Variants in GNB4 observed in about 807,000 individuals in gnomAD.
The protein encoded by GNB4 is G protein subunit beta 4, also known as guanine nucleotide-binding protein subunit beta-4.
A neutral mutation model predicts 45.2 loss-of-function variants in GNB4; 28 were observed. The ratio of observed to expected loss-of-function variants is 0.62; its 90% CI spans 0.46 to 0.85. The LOEUF (loss-of-function observed/expected upper bound fraction) is 0.85. Among genes scored for constraint, GNB4 ranks in the 40% least tolerant of loss-of-function variants. GNB4 has a pLI of 0.00. For missense variants in GNB4, 321 were observed against 425.4 expected, an observed-to-expected ratio of 0.75 and a Z score of 2.16; for synonymous variants, 132 against 143.7, an observed-to-expected ratio of 0.92 and a Z score of 0.58.
In GNB4 at chr3:179,400,337, T is replaced by C. The variant is rs1354490507; in HGVS notation, c.*876A>G. On this transcript the variant is annotated 3_prime_UTR_variant, in exon 10 of 10. Transcript: ENST00000232564. ...GATAGCACTGGGAAAGATGTTCAGA[T>C]GCAGGGACAATCCCAATGTTTACCA... The C allele has an allele frequency of 6.6e-6, 1 of 152,218 alleles. No homozygotes were observed. The highest frequency in any genetic ancestry group is 6.5e-5 in the Admixed American group (1 of 15,280). The allele number at this position is 152,218 out of a possible 1,614,324, so 9.4% of individuals were successfully genotyped here.
At chr3:179,476,738 A>C in the GNB4 span, among the ~76,000 whole-genome samples, 1 of 152,244 alleles carries the variant, frequency 6.6e-6, no homozygotes, top group Non-Finnish European at 1.5e-5. Flanking sequence ...CACCACGTAA[A>C]TACCACCAAA....
the GNB4 span, among the ~76,000 whole-genome samples, chr3:179,488,751 G>A: frequency 6.6e-6 from 1 of 151,776 alleles, no homozygotes; most frequent in African/African-American, 2.4e-5. Context: ...TTGGGAGGCT[G>A]AGGGCCAGAT....
At chr3:179,437,662 C>T (rs1715492770) in intron 1 of GNB4, 1 of 151,936 alleles carries the variant, frequency 6.6e-6, no homozygotes, top group African/African-American at 2.4e-5. Flanking sequence ...GGTTTTGCCA[C>T]TAAATTATTT....
At chr3:179,506,657 A>G in the GNB4 span, among the ~76,000 whole-genome samples, 1 of 152,326 alleles carries the variant, frequency 6.6e-6, no homozygotes, top group East Asian at 1.9e-4. Context: ...TTCAGAATTC[A>G]TTCACACTGA....
chr3:179,423,970 C>T (rs1226254780), intron 2 of GNB4, among the ~76,000 whole-genome samples: 1 of 151,732 alleles, frequency 6.6e-6, no homozygotes, highest in Non-Finnish European at 1.5e-5. Context: ...AGTATGGCTA[C>T]AGCACAAGTC....
At chr3:179,423,446 A>C (rs2108599986) in intron 2 of GNB4, among the ~76,000 whole-genome samples, 1 of 152,348 alleles carries the variant, frequency 6.6e-6, no homozygotes, top group South Asian at 2.1e-4. Context: ...AAAGTGGGGT[A>C]CTGGTACTCT....
chr3:179,406,635 CAG>C (rs201720236), intron 8 of GNB4, among the ~76,000 whole-genome samples: 4,855 of 152,148 alleles, frequency 0.032, 112 homozygotes, highest in Middle Eastern at 0.19. Context: ...ATTTTTGAGA[CAG>C]AGTCTTGCTC....
At chr3:179,510,720 T>C in the GNB4 span, among the ~76,000 whole-genome samples, 1 of 152,204 alleles carries the variant, frequency 6.6e-6, no homozygotes, top group African/African-American at 2.4e-5. Context: ...CTGCCTGGAT[T>C]CACTAGCTGA....
the GNB4 span, among the ~76,000 whole-genome samples, chr3:179,471,354 G>C: frequency 6.6e-5 from 10 of 152,164 alleles, no homozygotes; most frequent in East Asian, 9.6e-4. Flanking sequence ...CCAGAGCAGA[G>C]CAACTTTCAG....
At chr3:179,472,934 C>T in the GNB4 span, among the ~76,000 whole-genome samples, 23 of 152,136 alleles carry the variant, frequency 1.5e-4, no homozygotes, top group African/African-American at 4.3e-4. Flanking sequence ...GAGGCCAAGG[C>T]GGGCAGATCA....
the GNB4 span, among the ~76,000 whole-genome samples, chr3:179,477,433 A>G: frequency 1.3e-5 from 2 of 152,326 alleles, no homozygotes; most frequent in Admixed American, 1.3e-4. Context: ...CTCAGGTTGG[A>G]CAAAATTCCA....
At chr3:179,440,204 A>G (rs1368006784) in intron 1 of GNB4, among the ~76,000 whole-genome samples, 2 of 152,180 alleles carry the variant, frequency 1.3e-5, no homozygotes, top group African/African-American at 4.8e-5. Flanking sequence ...CAGAACTATG[A>G]TTTTTGGGGG....
the GNB4 span, among the ~76,000 whole-genome samples, chr3:179,467,607 A>C: frequency 1.1e-3 from 160 of 152,236 alleles, no homozygotes; most frequent in African/African-American, 3.8e-3. Flanking sequence ...TAGTAACTCT[A>C]ACCAAAGTGA....
At chr3:179,418,105 T>C (rs901377191) in intron 4 of GNB4, among the ~76,000 whole-genome samples, 1 of 152,216 alleles carries the variant, frequency 6.6e-6, no homozygotes, top group African/African-American at 2.4e-5. Flanking sequence ...CAAGTTACTA[T>C]ATTTTAAGTT....
At chr3:179,501,499 T>TG in the GNB4 span, among the ~76,000 whole-genome samples, 1 of 151,436 alleles carries the variant, frequency 6.6e-6, no homozygotes, top group East Asian at 1.9e-4. Context: ...GATTTTTTTT[T>TG]TTTTTGGTAG....
At chr3:179,431,535 G>C (rs959466225) in intron 1 of GNB4, among the ~76,000 whole-genome samples, 5 of 147,552 alleles carry the variant, frequency 3.4e-5, no homozygotes, top group African/African-American at 1.3e-4. Context: ...CTCCAGCCTG[G>C]GTGAAGAGTG....
rs1225088441 is a variant in GNB4, at chr3:179,406,878, G to A, written c.700-1472C>T. On this transcript the variant is annotated intron_variant, in intron 8 of 9. Coordinates refer to ENST00000232564, the MANE Select transcript of GNB4 (RefSeq NM_021629.4). ...GATCTGCCTGCCTCAGCCTCCCAAA[G>A]TACTGAGATTACGGGCATAAGCCAC... Among the ~76,000 whole-genome samples the A allele has an allele frequency of 3.3e-5, 5 of 152,184 alleles. No individual in the cohort carries two copies. In the East Asian group the frequency reaches 9.7e-4, roughly 29 times the overall value.
At chr3:179,407,724 C>G (rs879870499) in intron 8 of GNB4, among the ~76,000 whole-genome samples, 1 of 152,034 alleles carries the variant, frequency 6.6e-6, no homozygotes, top group Non-Finnish European at 1.5e-5. Flanking sequence ...TTTAGGTAGT[C>G]AACTGAGTAC....
At chr3:179,487,034 A>G in the GNB4 span, among the ~76,000 whole-genome samples, 1 of 152,226 alleles carries the variant, frequency 6.6e-6, no homozygotes, top group African/African-American at 2.4e-5. Flanking sequence ...CTTCTAAGGA[A>G]AATTTCAGAC....
Sources: gnomAD v4.1 joint callset for allele counts (sites outside exome capture counted in the v4.1 genomes callset) on GRCh38, gnomAD v4.1.1 for gene constraint, MANE v1.5 for transcripts, NCBI Gene and HGNC (gene_info 2026-07-23, HGNC 2026-07-21) for gene names.